The following CDH12 variants were observed in gnomAD, a reference collection of about 807,000 sequenced individuals.
CDH12 encodes cadherin 12.
Under a neutral mutation model 74.1 loss-of-function variants are expected in CDH12, and 41 were observed. The observed-to-expected ratio is 0.55, with a 90% confidence interval of 0.43 to 0.72. The LOEUF (loss-of-function observed/expected upper bound fraction) is 0.72, where lower values mean the gene tolerates loss of function less well. Among genes scored for constraint, CDH12 ranks in the 30% least tolerant of loss-of-function variants. The pLI, the probability that CDH12 is intolerant of heterozygous loss-of-function variation, is 0.00. For synonymous variants in CDH12, 399 were observed against 355.0 expected (o/e 1.12, Z -1.39); for missense variants, 945 against 977.2 (o/e 0.97, Z 0.44).
At chr5:22,498,118 A>T (rs1747181532) in intron 2 of CDH12, among the ~76,000 whole-genome samples, 1 of 152,154 alleles carries the variant, frequency 6.6e-6, no homozygotes. Context: ...ATTCCAAGTC[A>T]TTTCAAATGT....
At chr5:22,144,585 G>C (rs1353622210) in intron 4 of CDH12, among the ~76,000 whole-genome samples, 3 of 152,060 alleles carry the variant, frequency 2.0e-5, no homozygotes, top group Admixed American at 2.0e-4. Flanking sequence ...TGTGCAGTGT[G>C]TTTTATTCGT....
intron 1 of CDH12, among the ~76,000 whole-genome samples, chr5:22,510,091 T>C (rs1421000481): frequency 6.6e-6 from 1 of 152,038 alleles, no homozygotes; most frequent in Non-Finnish European, 1.5e-5. Flanking sequence ...ATTTATTTCT[T>C]AAGAACTAAT....
chr5:22,347,553 C>G (rs1185751329), intron 3 of CDH12, among the ~76,000 whole-genome samples: 6 of 152,124 alleles, frequency 3.9e-5, no homozygotes, highest in Non-Finnish European at 8.8e-5. Context: ...TGCAGATGGC[C>G]TATTGTGGGA....
chr5:22,593,312 A>G (rs1033361799), intron 1 of CDH12, among the ~76,000 whole-genome samples: 1 of 152,106 alleles, frequency 6.6e-6, no homozygotes, highest in Non-Finnish European at 1.5e-5. Context: ...TTACAGAGCT[A>G]TATTTCTAAT....
chr5:22,753,932 A>G (rs1472409607), intron 1 of CDH12, among the ~76,000 whole-genome samples: 2 of 152,068 alleles, frequency 1.3e-5, no homozygotes, highest in Non-Finnish European at 2.9e-5. Context: ...CTATTCCTTC[A>G]TTTTTCCTCT....
At chr5:22,664,030 T>C (rs1012816991) in intron 1 of CDH12, among the ~76,000 whole-genome samples, 3 of 152,164 alleles carry the variant, frequency 2.0e-5, no homozygotes, top group Non-Finnish European at 2.9e-5. Context: ...CCTTTTATTA[T>C]GCAGATTACC....
intron 4 of CDH12, among the ~76,000 whole-genome samples, chr5:22,125,264 C>T (rs1306596842): frequency 6.6e-6 from 1 of 151,960 alleles, no homozygotes; most frequent in African/African-American, 2.4e-5. Context: ...TCCCCTTGTC[C>T]CCCACTCCCC....
chr5:22,015,878 T>C (rs1191557665), intron 5 of CDH12, among the ~76,000 whole-genome samples: 1 of 152,212 alleles, frequency 6.6e-6, no homozygotes, highest in Non-Finnish European at 1.5e-5. Context: ...AAGGACACTT[T>C]ATTTCCTATC....
chr5:22,322,746 G>T (rs1490685066), intron 3 of CDH12, among the ~76,000 whole-genome samples: 1 of 152,130 alleles, frequency 6.6e-6, no homozygotes, highest in African/African-American at 2.4e-5. Context: ...TATTGATGAA[G>T]AATTTATTTA....
At chr5:22,602,743 G>A (rs1386755186) in intron 1 of CDH12, among the ~76,000 whole-genome samples, 2 of 152,050 alleles carry the variant, frequency 1.3e-5, no homozygotes, top group African/African-American at 2.4e-5. Flanking sequence ...CTAACACCAT[G>A]TTTCACTTAT....
At chr5:22,521,882 C>T (rs1044644822) in intron 1 of CDH12, among the ~76,000 whole-genome samples, 4 of 152,092 alleles carry the variant, frequency 2.6e-5, no homozygotes, top group African/African-American at 7.2e-5. Context: ...ATAGAGTTTC[C>T]TACCTTATAT....
chr5:22,652,762 A>T (rs1739807953), intron 1 of CDH12, among the ~76,000 whole-genome samples: 1 of 152,322 alleles, frequency 6.6e-6, no homozygotes, highest in Non-Finnish European at 1.5e-5. Flanking sequence ...TGCAAGAAAT[A>T]ATTAGATAAA....
chr5:22,433,244 G>A (rs898853269), intron 2 of CDH12, among the ~76,000 whole-genome samples: 1 of 151,932 alleles, frequency 6.6e-6, no homozygotes, highest in Admixed American at 6.6e-5. Flanking sequence ...GCTCATCAAC[G>A]TTGGTATACT....
At chr5:22,822,439 A>G (rs1324753106) in intron 1 of CDH12, among the ~76,000 whole-genome samples, 3 of 152,164 alleles carry the variant, frequency 2.0e-5, no homozygotes, top group African/African-American at 7.2e-5. Flanking sequence ...ATCAGAGTGA[A>G]CAGGCAACCT....
chr5:21,899,057 T>TC (rs1348682016), intron 6 of CDH12, among the ~76,000 whole-genome samples: 17 of 152,182 alleles, frequency 1.1e-4, no homozygotes, highest in Non-Finnish European at 1.8e-4. Context: ...GTTCTTACTC[T>TC]CCTTCCCACC....
intron 7 of CDH12, among the ~76,000 whole-genome samples, chr5:21,845,105 C>T (rs138738079): frequency 1.6e-4 from 24 of 152,068 alleles, no homozygotes; most frequent in South Asian, 4.2e-4. Flanking sequence ...GTATGAATAA[C>T]GGAAAGCTTG....
Position 21,751,624 on chromosome 5 carries a change from G to GTGTT in CDH12, c.*112_*113insAACA, listed in dbSNP as rs748962620. 3.2e-5 allele frequency: 22 copies of GTGTT among 679,588 alleles called. No individual in the cohort carries two copies. The highest frequency in any genetic ancestry group is 2.2e-4 in the African/African-American group (12 of 53,382). The allele number at this position is 679,588 out of a possible 1,614,324, so 42.1% of individuals were successfully genotyped here. A position where few individuals can be genotyped will look rare whatever the true frequency, so the allele number is the denominator to read the frequency against. The stretch of plus-strand genomic sequence containing the variant: ...CTTGTCCCAGAGTGTGTGTGTGTGT[G>GTGTT]TGTGTGTTTGTGTGTGTGTGTGTGT... On this transcript the variant is annotated 3_prime_UTR_variant, in exon 15 of 15. Transcript: ENST00000382254.
chr5:22,206,154 T>C (rs1647980750), intron 4 of CDH12, among the ~76,000 whole-genome samples: 1 of 152,072 alleles, frequency 6.6e-6, no homozygotes, highest in Non-Finnish European at 1.5e-5. Flanking sequence ...TAGACACTAG[T>C]CCACCCATGG....
chr5:21,854,735 G>A lies in CDH12; in HGVS notation c.582C>T (p.Asn194=), dbSNP rs745995770. The change falls in exon 7 of 15, where the codon AAC becomes AAT. Residue 194 remains asparagine (N), a synonymous_variant. Coordinates refer to ENST00000382254, the MANE Select transcript of CDH12 (RefSeq NM_004061.5). ...ATDADDPTYG[N]SARVVYSILQ... Reference sequence around the variant, plus strand: ...GAATGCTGTAAACGACTCTGGCACTGTTTCCATAGGTCGGGTCATCTGCAT... The same window carrying A: ...GAATGCTGTAAACGACTCTGGCACTATTTCCATAGGTCGGGTCATCTGCAT... 7 of 1,609,310 alleles carry A rather than the reference G, an allele frequency of 4.3e-6. No homozygotes were observed. In the Admixed American group the frequency reaches 8.4e-5, roughly 19 times the overall value.
Sources: allele counts gnomAD v4.1 joint callset (sites outside exome capture counted in the v4.1 genomes callset), GRCh38; gene constraint gnomAD v4.1.1; transcripts MANE v1.5; gene names NCBI Gene and HGNC (gene_info 2026-07-23, HGNC 2026-07-21).